Variants in NTRK3 observed in about 807,000 individuals in gnomAD.
NTRK3 encodes the protein NT-3 growth factor receptor.
NTRK3 carries 24 observed loss-of-function variants against 91.7 expected under a neutral mutation model. That is an observed-to-expected ratio of 0.26 (90% CI 0.19 to 0.37). NTRK3 has a LOEUF of 0.37. Ranked by LOEUF, NTRK3 falls within the 10% of genes least tolerant of loss-of-function variation. NTRK3 has a pLI of 1.00. For synonymous variants in NTRK3, 483 were observed against 404.0 expected (o/e 1.20, Z -2.34); for missense variants, 880 against 1,068.9 (o/e 0.82, Z 2.46).
At chr15:88,072,899 A>G (rs563526217) in intron 13 of NTRK3, 1 of 231,400 alleles carries the variant, frequency 4.3e-6, no homozygotes, top group Non-Finnish European at 8.6e-6. Context: ...CCCAGTCAAG[A>G]CAGCTCACCT....
intron 16 of NTRK3, chr15:87,931,278 C>G: frequency 1.9e-6 from 1 of 512,826 alleles, no homozygotes; most frequent in South Asian, 1.4e-5. Context: ...AGGGCATGCC[C>G]TTTGGGCCCC....
chr15:88,038,057 T>A (rs368099160), intron 13 of NTRK3, among the ~76,000 whole-genome samples: 3 of 152,200 alleles, frequency 2.0e-5, no homozygotes, highest in East Asian at 3.8e-4. Flanking sequence ...AAAGGGATAC[T>A]TGATCAATTC....
intron 14 of NTRK3, among the ~76,000 whole-genome samples, chr15:87,952,830 G>A (rs1466307580): frequency 6.6e-6 from 1 of 152,000 alleles, no homozygotes; most frequent in African/African-American, 2.4e-5. Context: ...CTTCTGCCAG[G>A]CACCCCCGCC....
intron 18 of NTRK3, among the ~76,000 whole-genome samples, chr15:87,879,886 C>A (rs2065147570): frequency 6.6e-6 from 1 of 152,130 alleles, no homozygotes. Flanking sequence ...ATACCTAAAA[C>A]CTTTGTGCAC....
At chr15:87,901,736 A>C (rs994154129) in intron 17 of NTRK3, among the ~76,000 whole-genome samples, 1 of 150,076 alleles carries the variant, frequency 6.7e-6, no homozygotes, top group East Asian at 2.0e-4. Flanking sequence ...GTATTGAGAA[A>C]GGAAGAAAGG....
chr15:88,156,021 C>T (rs990015319), intron 5 of NTRK3, among the ~76,000 whole-genome samples: 10 of 152,196 alleles, frequency 6.6e-5, no homozygotes, highest in Non-Finnish European at 1.2e-4. Context: ...AAAATCCAGA[C>T]ATTGCCTGAA....
intron 16 of NTRK3, among the ~76,000 whole-genome samples, chr15:87,931,978 G>T (rs2068837367): frequency 6.6e-6 from 1 of 152,234 alleles, no homozygotes; most frequent in East Asian, 1.9e-4. Context: ...CAGGGCCTGT[G>T]TGTTTAACCT....
intron 3 of NTRK3, among the ~76,000 whole-genome samples, chr15:88,214,759 G>A (rs1416259477): frequency 6.6e-6 from 1 of 151,574 alleles, no homozygotes; most frequent in Admixed American, 6.6e-5. Context: ...TCTCTGGAAC[G>A]CCTTCCCATA....
chr15:88,184,411 CT>C, intron 3 of NTRK3, 112 bp from the exon 4 acceptor site: 1 of 1,041,206 alleles, frequency 9.6e-7, no homozygotes, highest in Non-Finnish European at 1.5e-6. Flanking sequence ...ATTGCCAGGC[CT>C]TTTGCCAAGT....
At chr15:88,127,356 C>T (rs527454053) in intron 11 of NTRK3, 130 bp from the exon 12 acceptor site, 7 of 781,650 alleles carry the variant, frequency 9.0e-6, no homozygotes, top group Admixed American at 6.0e-5. Context: ...AAGCCAGGCT[C>T]TTGCAGTCTG....
intron 17 of NTRK3, among the ~76,000 whole-genome samples, chr15:87,914,131 CT>C (rs1306763995): frequency 7.2e-5 from 11 of 152,194 alleles, no homozygotes; most frequent in African/African-American, 2.7e-4. Context: ...TGATTTCTTC[CT>C]CTTTAAGCAA....
At chr15:88,206,116 G>T (rs528706233) in intron 3 of NTRK3, among the ~76,000 whole-genome samples, 1 of 151,524 alleles carries the variant, frequency 6.6e-6, no homozygotes, top group Admixed American at 6.6e-5. Context: ...GAGGCGGGCG[G>T]ATCACGAGGT....
At chr15:88,017,797 C>T (rs547643044) in intron 14 of NTRK3, among the ~76,000 whole-genome samples, 1 of 152,264 alleles carries the variant, frequency 6.6e-6, no homozygotes, top group Admixed American at 6.5e-5. Context: ...TAACAAATCC[C>T]CACAAATCCC....
intron 17 of NTRK3, among the ~76,000 whole-genome samples, chr15:87,883,875 T>A (rs1164077753): frequency 1.3e-5 from 2 of 150,886 alleles, no homozygotes. Context: ...AAGTCCTATT[T>A]CTTGAAATCT....
intron 5 of NTRK3, among the ~76,000 whole-genome samples, chr15:88,156,781 T>C (rs149540059): frequency 2.2e-4 from 33 of 152,332 alleles, no homozygotes; most frequent in Non-Finnish European, 4.0e-4. Context: ...TCCCACCAGG[T>C]TGCTTTTCTT....
intron 13 of NTRK3, among the ~76,000 whole-genome samples, chr15:88,108,541 G>A (rs1349344889): frequency 2.0e-5 from 3 of 152,160 alleles, no homozygotes; most frequent in Non-Finnish European, 2.9e-5. Flanking sequence ...CAGAATCATA[G>A]AATGTTACAA....
intron 13 of NTRK3, among the ~76,000 whole-genome samples, chr15:88,077,866 C>T (rs1331841440): frequency 1.3e-5 from 2 of 152,206 alleles, no homozygotes; most frequent in South Asian, 2.1e-4. Context: ...CTTAGAAACA[C>T]TGGCACCAAT....
intron 13 of NTRK3, among the ~76,000 whole-genome samples, chr15:88,056,994 C>T (rs1284415790): frequency 1.3e-5 from 2 of 151,302 alleles, no homozygotes; most frequent in African/African-American, 2.4e-5. Flanking sequence ...CACGGTGAAA[C>T]CCCGTCTCTA....
At chr15:88,080,811 G>T (rs1309920440) in intron 13 of NTRK3, among the ~76,000 whole-genome samples, 1 of 152,238 alleles carries the variant, frequency 6.6e-6, no homozygotes, top group Non-Finnish European at 1.5e-5. Flanking sequence ...AGCAAGCATG[G>T]TGCCAATGAC....
Sources: gnomAD v4.1 joint callset for allele counts (sites outside exome capture counted in the v4.1 genomes callset) on GRCh38, gnomAD v4.1.1 for gene constraint, MANE v1.5 for transcripts, NCBI Gene and HGNC (gene_info 2026-07-23, HGNC 2026-07-21) for gene names.